EYS: variants seen among roughly 807,000 people sequenced by gnomAD.
EYS encodes the protein EGF-like photoreceptor maintenance factor.
EYS carries 250 observed loss-of-function variants against 282.1 expected under a neutral mutation model. That is an observed-to-expected ratio of 0.89 (90% CI 0.80 to 0.98). EYS has a LOEUF of 0.98. Among genes scored for constraint, EYS ranks in the 50% least tolerant of loss-of-function variants. The pLI, the probability that EYS is intolerant of heterozygous loss-of-function variation, is 0.00. For missense variants in EYS, 4,016 were observed against 3,709.0 expected (o/e 1.08, Z -2.15); for synonymous variants, 1,355 against 1,282.9 (o/e 1.06, Z -1.20).
rs372500624 is a variant in EYS at position 63,776,093 on chromosome 6, T to G, written c.7898+1913A>C. The stretch of plus-strand genomic sequence containing the variant: ...CTGTACATTATTGCTTGTCTATTTG[T>G]TACTCAAATTTAGGCCCTCATGTTT... On this transcript the variant is annotated intron_variant, in intron 40 of 42. Coordinates refer to ENST00000503581, the MANE Select transcript of EYS (RefSeq NM_001142800.2). 9.2e-5 allele frequency among the ~76,000 whole-genome samples: 14 copies of G among 152,276 alleles called. No homozygotes were observed. The East Asian group carries it at 1.5e-3, about 17-fold the overall frequency.
intron 15 of EYS, among the ~76,000 whole-genome samples, chr6:64,942,555 G>A (rs563685534): frequency 6.7e-6 from 1 of 149,740 alleles, no homozygotes; most frequent in South Asian, 2.1e-4. Context: ...TGATCTCACA[G>A]AAGTAGAATG....
At chr6:64,865,229 T>C (rs1244182091) in intron 19 of EYS, among the ~76,000 whole-genome samples, 1 of 152,060 alleles carries the variant, frequency 6.6e-6, no homozygotes, top group Non-Finnish European at 1.5e-5. Flanking sequence ...GGTGTGGAAA[T>C]AAAAAATTGC....
chr6:65,517,094 A>G (rs1767163801), intron 2 of EYS, among the ~76,000 whole-genome samples: 1 of 151,966 alleles, frequency 6.6e-6, no homozygotes, highest in Admixed American at 6.6e-5. Context: ...CAGTTTCCTT[A>G]GCTATAACAT....
At chr6:65,131,293 T>C (rs1775868501) in intron 12 of EYS, among the ~76,000 whole-genome samples, 1 of 151,846 alleles carries the variant, frequency 6.6e-6, no homozygotes, top group Non-Finnish European at 1.5e-5. Flanking sequence ...TATTGCCACA[T>C]GGCACATACT....
intron 12 of EYS, among the ~76,000 whole-genome samples, chr6:65,107,003 C>A (rs1383315801): frequency 1.3e-5 from 2 of 151,914 alleles, no homozygotes; most frequent in African/African-American, 4.8e-5. Context: ...TCCTCACCCC[C>A]GCTCCTCCCA....
Position 65,210,467 on chromosome 6 carries a change from G to A in EYS, c.2023+85396C>T, listed in dbSNP as rs538910334. 8.6e-5 allele frequency among the ~76,000 whole-genome samples: 13 copies of A among 152,024 alleles called. No homozygotes were observed. The East Asian group carries it at 1.9e-3, about 23-fold the overall frequency. Reference sequence around the variant, plus strand: ...AAAATTGATTTTGGCCAATGATGACGTTTAATAATTTCATTTAAGATAAAA... The same window carrying A: ...AAAATTGATTTTGGCCAATGATGACATTTAATAATTTCATTTAAGATAAAA... On this transcript the variant is annotated intron_variant, in intron 12 of 42. Transcript: ENST00000503581.
intron 22 of EYS, among the ~76,000 whole-genome samples, chr6:64,753,748 C>A (rs534661037): frequency 6.6e-6 from 1 of 151,918 alleles, no homozygotes; most frequent in East Asian, 1.9e-4. Context: ...GACTCCATTG[C>A]AATGAACCTA....
chr6:64,900,266 C>A (rs9453106), intron 18 of EYS, among the ~76,000 whole-genome samples: 108,722 of 152,058 alleles, frequency 0.72, 39,829 homozygotes, highest in African/African-American at 0.89. Flanking sequence ...AAGATCTAAA[C>A]TCATAAAAAC....
chr6:64,333,801 A>G (rs1226813335), intron 29 of EYS, among the ~76,000 whole-genome samples: 2 of 152,160 alleles, frequency 1.3e-5, no homozygotes, highest in Non-Finnish European at 2.9e-5. Context: ...AATTCCTCCT[A>G]TATCAGTTGA....
At chr6:65,230,794 A>G (rs1168626549) in intron 12 of EYS, among the ~76,000 whole-genome samples, 2 of 151,658 alleles carry the variant, frequency 1.3e-5, no homozygotes, top group African/African-American at 4.8e-5. Context: ...GAAATTTTAA[A>G]ATTTGCAGTA....
At chr6:65,699,950 T>C (rs1025302608) in intron 1 of EYS, among the ~76,000 whole-genome samples, 1 of 151,082 alleles carries the variant, frequency 6.6e-6, no homozygotes, top group Non-Finnish European at 1.5e-5. Flanking sequence ...CTGTCTCTAC[T>C]AAAAATACAA....
intron 30 of EYS, among the ~76,000 whole-genome samples, chr6:64,235,796 A>G (rs1766585698): frequency 6.6e-6 from 1 of 152,162 alleles, no homozygotes; most frequent in Non-Finnish European, 1.5e-5. Flanking sequence ...CTCTGAATAG[A>G]CCAATAACAG....
intron 2 of EYS, among the ~76,000 whole-genome samples, chr6:65,513,742 C>T (rs369809491): frequency 8.6e-5 from 13 of 151,602 alleles, no homozygotes; most frequent in Admixed American, 3.9e-4. Flanking sequence ...ATTCAACAAC[C>T]CTTCATGCTA....
chr6:63,863,676 T>TTCTC (rs1772598134), intron 36 of EYS, among the ~76,000 whole-genome samples: 3 of 56,266 alleles, frequency 5.3e-5, no homozygotes, highest in Admixed American at 2.2e-4. Context: ...TTCTTTTTTC[T>TTCTC]TTTTTTTTTT....
intron 2 of EYS, among the ~76,000 whole-genome samples, chr6:65,556,150 T>A (rs1768791382): frequency 1.3e-5 from 2 of 152,174 alleles, no homozygotes; most frequent in African/African-American, 2.4e-5. Context: ...GGGGTCATTT[T>A]CACATTATTG....
intron 12 of EYS, among the ~76,000 whole-genome samples, chr6:65,167,127 T>C (rs1562000515): frequency 6.6e-6 from 1 of 151,226 alleles, no homozygotes; most frequent in Non-Finnish European, 1.5e-5. Context: ...GAACACACTT[T>C]GGCAGTCCTT....
chr6:64,101,045 ATGT>A (rs913054622), intron 31 of EYS, among the ~76,000 whole-genome samples: 12 of 152,110 alleles, frequency 7.9e-5, no homozygotes, highest in African/African-American at 2.9e-4. Context: ...AAACCAGCAA[ATGT>A]TGTGGTATCA....
chr6:64,751,446 C>T (rs1230074463), intron 22 of EYS, among the ~76,000 whole-genome samples: 2 of 152,140 alleles, frequency 1.3e-5, no homozygotes, highest in African/African-American at 4.8e-5. Flanking sequence ...GAATGGCTGC[C>T]CCCGGACTCC....
At chr6:65,660,726 T>C (rs953861254) in intron 1 of EYS, among the ~76,000 whole-genome samples, 3 of 151,834 alleles carry the variant, frequency 2.0e-5, no homozygotes, top group African/African-American at 7.2e-5. Context: ...GGAAAATTGA[T>C]ATATTAACTT....
Sources: gnomAD v4.1 joint callset for allele counts (sites outside exome capture counted in the v4.1 genomes callset) on GRCh38, gnomAD v4.1.1 for gene constraint, MANE v1.5 for transcripts, NCBI Gene and HGNC (gene_info 2026-07-23, HGNC 2026-07-21) for gene names.